Variants in PLXDC2 observed in about 807,000 individuals in gnomAD.
PLXDC2 encodes plexin domain-containing protein 2.
PLXDC2 carries 40 observed loss-of-function variants against 68.9 expected under a neutral mutation model. That is an observed-to-expected ratio of 0.58 (90% confidence interval 0.45 to 0.76). PLXDC2 has a LOEUF of 0.76. Ranked by LOEUF, PLXDC2 falls within the 30% of genes least tolerant of loss-of-function variation. PLXDC2 has a pLI of 0.00. For synonymous variants in PLXDC2, 243 were observed against 234.2 expected (o/e 1.04, Z -0.34); for missense variants, 644 against 661.9 (o/e 0.97, Z 0.30).
intron 1 of PLXDC2, among the ~76,000 whole-genome samples, chr10:19,859,538 A>G (rs1300345109): frequency 1.3e-5 from 2 of 152,166 alleles, no homozygotes; most frequent in African/African-American, 4.8e-5. Context: ...GAAATTACAT[A>G]TTAATTTCAG....
At chr10:20,204,978 A>G (rs1003727443) in intron 9 of PLXDC2, among the ~76,000 whole-genome samples, 7 of 152,184 alleles carry the variant, frequency 4.6e-5, no homozygotes, top group Non-Finnish European at 1.0e-4. Context: ...GCTCAGTAAG[A>G]CAAGCACTTC....
chr10:20,083,349 C>T (rs931487785), intron 4 of PLXDC2, among the ~76,000 whole-genome samples: 8 of 151,982 alleles, frequency 5.3e-5, no homozygotes, highest in East Asian at 1.9e-4. Flanking sequence ...AGGTGGCATG[C>T]GCCTGTAGTC....
At chr10:20,190,654 A>T (rs887685325) in intron 9 of PLXDC2, among the ~76,000 whole-genome samples, 10 of 151,540 alleles carry the variant, frequency 6.6e-5, no homozygotes, top group Non-Finnish European at 1.0e-4. Flanking sequence ...ACATTACATT[A>T]ACAGTTTTCT....
At chr10:20,198,474 T>C (rs928018664) in intron 9 of PLXDC2, among the ~76,000 whole-genome samples, 2 of 152,122 alleles carry the variant, frequency 1.3e-5, no homozygotes, top group African/African-American at 4.8e-5. Flanking sequence ...TGTGGGTACA[T>C]GGTAGGTGTA....
intron 5 of PLXDC2, among the ~76,000 whole-genome samples, chr10:20,144,804 G>C (rs935319728): frequency 2.6e-5 from 4 of 152,130 alleles, no homozygotes; most frequent in African/African-American, 9.7e-5. Context: ...GGTGATGTTA[G>C]GGTCATTTAC....
intron 13 of PLXDC2, among the ~76,000 whole-genome samples, chr10:20,279,497 G>A (rs1398278093): frequency 1.3e-5 from 2 of 152,102 alleles, no homozygotes; most frequent in Non-Finnish European, 2.9e-5. Context: ...CTGTGACAGG[G>A]GTAGATAGCG....
chr10:20,011,103 A>G (rs1266939779), intron 2 of PLXDC2, among the ~76,000 whole-genome samples: 2 of 152,216 alleles, frequency 1.3e-5, no homozygotes, highest in African/African-American at 2.4e-5. Context: ...ATATTTGTCT[A>G]GTTGATTTTT....
At chr10:20,120,464 G>A (rs1339165472) in intron 4 of PLXDC2, among the ~76,000 whole-genome samples, 1 of 151,768 alleles carries the variant, frequency 6.6e-6, no homozygotes, top group East Asian at 2.0e-4. Context: ...CTGAAAAACT[G>A]CTTGGCTGAT....
At chr10:20,005,180 G>T (rs11011731) in intron 2 of PLXDC2, among the ~76,000 whole-genome samples, 11,770 of 152,220 alleles carry the variant, frequency 0.077, 577 homozygotes, top group Admixed American at 0.11. Flanking sequence ...CTAGCAAAAG[G>T]AAAGACAAAT....
rs977133322 is a variant in PLXDC2, at chr10:20,282,719, A to C, written c.*2900A>C. 6.6e-6 allele frequency: 1 copy of C among 152,188 alleles called. No individual in the cohort carries two copies. Among genetic ancestry groups the C allele is most frequent in the Non-Finnish European group, 1.5e-5 (1 of 68,032 alleles). 9.4% of individuals were successfully genotyped at this position (152,188 alleles called of 1,614,324 possible). On this transcript the variant is annotated 3_prime_UTR_variant, in exon 14 of 14. Coordinates refer to ENST00000377252, the MANE Select transcript of PLXDC2 (RefSeq NM_032812.9). The stretch of plus-strand genomic sequence containing the variant: ...CAAAAAATTGCAACCTCAGGCATAA[A>C]TGGCTTAAGCCCAAGAGATGGCACT...
chr10:20,188,276 T>A (rs1834713233), intron 9 of PLXDC2, among the ~76,000 whole-genome samples: 1 of 151,770 alleles, frequency 6.6e-6, no homozygotes. Context: ...CATCCTTTCT[T>A]ACCCCTAGTA....
chr10:20,181,947 G>C (rs773581928), intron 9 of PLXDC2, among the ~76,000 whole-genome samples: 1 of 151,964 alleles, frequency 6.6e-6, no homozygotes, highest in Non-Finnish European at 1.5e-5. Flanking sequence ...TGAAAAGGAA[G>C]AGGCTGGTAG....
intron 12 of PLXDC2, among the ~76,000 whole-genome samples, chr10:20,243,496 A>C (rs1237711346): frequency 6.6e-6 from 1 of 152,202 alleles, no homozygotes; most frequent in Non-Finnish European, 1.5e-5. Flanking sequence ...CTGAACACCA[A>C]CAATGGTTCT....
At chr10:19,899,872 A>T (rs961985786) in intron 1 of PLXDC2, among the ~76,000 whole-genome samples, 2 of 152,176 alleles carry the variant, frequency 1.3e-5, no homozygotes, top group Non-Finnish European at 2.9e-5. Flanking sequence ...TTCTAATTTT[A>T]TGTTAACTTC....
At chr10:19,839,480 A>G (rs1836864696) in intron 1 of PLXDC2, among the ~76,000 whole-genome samples, 1 of 152,212 alleles carries the variant, frequency 6.6e-6, no homozygotes, top group Admixed American at 6.5e-5. Flanking sequence ...CCACTGAACT[A>G]GACTCAGCTC....
At chr10:19,948,799 T>A (rs1833946863) in intron 1 of PLXDC2, among the ~76,000 whole-genome samples, 1 of 152,116 alleles carries the variant, frequency 6.6e-6, no homozygotes, top group African/African-American at 2.4e-5. Context: ...GCCCATATTA[T>A]GTTTCATTAA....
intron 6 of PLXDC2, among the ~76,000 whole-genome samples, chr10:20,151,691 T>G (rs1351472798): frequency 6.6e-6 from 1 of 152,150 alleles, no homozygotes; most frequent in East Asian, 1.9e-4. Context: ...TATCACACAA[T>G]TACAAGTATA....
intron 13 of PLXDC2, 129 bp downstream of exon 13, chr10:20,245,634 C>T (rs1320131874): frequency 7.6e-6 from 8 of 1,057,036 alleles, no homozygotes; most frequent in Non-Finnish European, 1.1e-5. Context: ...TGATTTCACA[C>T]ACATGGATGT....
intron 4 of PLXDC2, among the ~76,000 whole-genome samples, chr10:20,124,927 G>T (rs549050945): frequency 4.6e-5 from 7 of 152,192 alleles, no homozygotes; most frequent in Non-Finnish European, 1.0e-4. Flanking sequence ...GGGCTCAGAG[G>T]CCTGACAGTA....
Sources: allele counts gnomAD v4.1 joint callset (sites outside exome capture counted in the v4.1 genomes callset), GRCh38; gene constraint gnomAD v4.1.1; transcripts MANE v1.5; gene names NCBI Gene and HGNC (gene_info 2026-07-23, HGNC 2026-07-21).